ADAM22: variants seen among roughly 807,000 people sequenced by gnomAD.
The protein encoded by ADAM22 is ADAM metallopeptidase domain 22.
Under a neutral mutation model 144.6 loss-of-function variants are expected in ADAM22, and 65 were observed. That is an observed-to-expected ratio of 0.45 (90% CI 0.37 to 0.55). The LOEUF is 0.55. Ranked by LOEUF, ADAM22 falls within the 20% of genes least tolerant of loss-of-function variation. The pLI, the probability that ADAM22 is intolerant of heterozygous loss-of-function variation, is 0.00. For missense variants in ADAM22, 974 were observed against 1,184.9 expected (o/e 0.82, Z 2.61); for synonymous variants, 391 against 412.6 (o/e 0.95, Z 0.63).
intron 3 of ADAM22, among the ~76,000 whole-genome samples, chr7:88,008,049 A>G (rs1794404146): frequency 6.6e-6 from 1 of 152,232 alleles, no homozygotes; most frequent in Non-Finnish European, 1.5e-5. Flanking sequence ...AAACAAATTT[A>G]CAAGAAAAAA....
At chr7:88,093,645 C>G (rs1820521515) in intron 4 of ADAM22, among the ~76,000 whole-genome samples, 1 of 152,106 alleles carries the variant, frequency 6.6e-6, no homozygotes, top group Admixed American at 6.5e-5. Context: ...GTCCCAGGCT[C>G]AAGTGATTTT....
At chr7:88,113,518 A>G (rs1324716750) in intron 5 of ADAM22, among the ~76,000 whole-genome samples, 1 of 150,026 alleles carries the variant, frequency 6.7e-6, no homozygotes, top group African/African-American at 2.5e-5. Context: ...GTGGCTCTTC[A>G]TCTCTCTTAG....
At chr7:87,958,031 A>G (rs1847193410) in intron 2 of ADAM22, among the ~76,000 whole-genome samples, 1 of 152,224 alleles carries the variant, frequency 6.6e-6, no homozygotes, top group Admixed American at 6.5e-5. Flanking sequence ...TATAGGTAAA[A>G]GAATTAAATT....
intron 4 of ADAM22, among the ~76,000 whole-genome samples, chr7:88,093,116 T>G (rs1003507211): frequency 2.6e-5 from 4 of 152,222 alleles, no homozygotes; most frequent in Non-Finnish European, 5.9e-5. Context: ...TATTTTATAA[T>G]AGAATTTACT....
chr7:87,956,237 G>A (rs982591084), intron 2 of ADAM22, among the ~76,000 whole-genome samples: 2 of 152,170 alleles, frequency 1.3e-5, no homozygotes, highest in African/African-American at 2.4e-5. Context: ...GCTGGGAGCT[G>A]TAGACCGGAG....
chr7:87,944,570 G>A (rs572948024), intron 2 of ADAM22, among the ~76,000 whole-genome samples: 8 of 152,228 alleles, frequency 5.3e-5, no homozygotes, highest in South Asian at 4.1e-4. Flanking sequence ...GGAGCGAGGC[G>A]AGCAGTTACC....
intron 22 of ADAM22, among the ~76,000 whole-genome samples, chr7:88,161,201 A>AC (rs1321046552): frequency 6.6e-6 from 1 of 151,394 alleles, no homozygotes; most frequent in Admixed American, 6.6e-5. Flanking sequence ...TGGAAAAAAA[A>AC]AAAAACAAGT....
At chr7:87,949,520 G>A (rs1224812715) in intron 2 of ADAM22, among the ~76,000 whole-genome samples, 1 of 152,038 alleles carries the variant, frequency 6.6e-6, no homozygotes, top group Non-Finnish European at 1.5e-5. Context: ...TTTGTCATTC[G>A]CTGCCTGGAG....
chr7:88,098,583 A>G (rs1444209652), intron 4 of ADAM22, among the ~76,000 whole-genome samples: 1 of 152,158 alleles, frequency 6.6e-6, no homozygotes, highest in East Asian at 1.9e-4. Context: ...AGGTATAGAC[A>G]TAGAGACACA....
intron 3 of ADAM22, among the ~76,000 whole-genome samples, chr7:87,980,288 T>TTTTTTTTTTTTA: frequency 5.5e-5 from 1 of 18,100 alleles, no homozygotes; most frequent in Admixed American, 6.9e-4. Context: ...CACTGTGCTC[T>TTTTTTTTTTTTA]TTTTTTTTTT....
At chr7:88,070,591 AT>A (rs1314800926) in intron 3 of ADAM22, among the ~76,000 whole-genome samples, 1 of 151,798 alleles carries the variant, frequency 6.6e-6, no homozygotes, top group East Asian at 1.9e-4. Context: ...GAAGCACATG[AT>A]TTTGTTTTTT....
At chr7:88,127,344 A>G (rs921744071) in intron 8 of ADAM22, among the ~76,000 whole-genome samples, 2 of 151,980 alleles carry the variant, frequency 1.3e-5, no homozygotes, top group Admixed American at 6.6e-5. Flanking sequence ...GTGAAGTACT[A>G]TAAAACTGTG....
At chr7:88,111,967 A>T (rs1250301573) in intron 5 of ADAM22, among the ~76,000 whole-genome samples, 3 of 152,214 alleles carry the variant, frequency 2.0e-5, no homozygotes, top group Non-Finnish European at 2.9e-5. Context: ...AAGGATAAAT[A>T]ACACTCAGTA....
intron 3 of ADAM22, among the ~76,000 whole-genome samples, chr7:88,021,326 T>C (rs1797782947): frequency 6.6e-6 from 1 of 152,202 alleles, no homozygotes; most frequent in Non-Finnish European, 1.5e-5. Flanking sequence ...CTTGTTATTT[T>C]GTAAGTAAAC....
intron 6 of ADAM22, 75 bp downstream of exon 6, chr7:88,114,722 C>T (rs34182051): frequency 0.052 from 71,123 of 1,370,094 alleles, 2,450 homozygotes; most frequent in Admixed American, 0.13. Context: ...CTTTTTTTAT[C>T]TCTACTTTAT....
At position 88,194,293 on chromosome 7, in the gene ADAM22, A is replaced by G. The variant is rs187394695; in HGVS notation, c.2874+1054A>G. Reference sequence around the variant, plus strand: ...TTTGGGTTATTGGAGATGTTACCACACAAGAGCCTGTAAAAATGATAGCTC... The same window carrying G: ...TTTGGGTTATTGGAGATGTTACCACGCAAGAGCCTGTAAAAATGATAGCTC... On this transcript the variant is annotated intron_variant, in intron 31 of 31. Coordinates refer to ENST00000413139, the MANE Select transcript of ADAM22 (RefSeq NM_001324418.2). Among the ~76,000 whole-genome samples, 118 of 152,340 alleles carry G rather than the reference A, an allele frequency of 7.7e-4. 1 individual carries two copies. The highest frequency in any genetic ancestry group is 2.8e-3 in the African/African-American group (118 of 41,566).
chr7:88,066,056 T>G (rs1378437006), intron 3 of ADAM22, among the ~76,000 whole-genome samples: 1 of 152,174 alleles, frequency 6.6e-6, no homozygotes, highest in Non-Finnish European at 1.5e-5. Flanking sequence ...AAAAATTGCT[T>G]TATCAGAAGA....
intron 3 of ADAM22, among the ~76,000 whole-genome samples, chr7:88,041,829 A>T (rs1438911676): frequency 6.6e-6 from 1 of 151,978 alleles, no homozygotes; most frequent in African/African-American, 2.4e-5. Flanking sequence ...CTTTATTTTA[A>T]GTTGCCTTTG....
intron 4 of ADAM22, among the ~76,000 whole-genome samples, chr7:88,096,765 C>G (rs1198842366): frequency 1.3e-5 from 2 of 151,946 alleles, no homozygotes; most frequent in African/African-American, 4.8e-5. Context: ...AATCATGGAA[C>G]AAGAAGGGAC....
Sources: gnomAD v4.1 joint callset for allele counts (sites outside exome capture counted in the v4.1 genomes callset) on GRCh38, gnomAD v4.1.1 for gene constraint, MANE v1.5 for transcripts, NCBI Gene and HGNC (gene_info 2026-07-23, HGNC 2026-07-21) for gene names.